Variants in TMPRSS15 observed in about 807,000 individuals in gnomAD.
The protein encoded by TMPRSS15 is transmembrane serine protease 15, also known as enteropeptidase.
TMPRSS15 carries 128 observed loss-of-function variants against 125.3 expected under a neutral mutation model. That is an observed-to-expected ratio of 1.02 (90% CI 0.89 to 1.18). The LOEUF (loss-of-function observed/expected upper bound fraction) is 1.18. TMPRSS15 is among the 50% of genes most tolerant of loss of function. TMPRSS15 has a pLI of 0.00. For synonymous variants in TMPRSS15, 446 were observed against 423.2 expected, an observed-to-expected ratio of 1.05 and a Z score of -0.66; for missense variants, 1,283 against 1,212.7, an observed-to-expected ratio of 1.06 and a Z score of -0.86.
At chr21:18,465,321 G>C (rs2123277804) in intron 1 of TMPRSS15, among the ~76,000 whole-genome samples, 1 of 152,196 alleles carries the variant, frequency 6.6e-6, no homozygotes, top group East Asian at 1.9e-4. Flanking sequence ...GTGGGAAAAA[G>C]CTGGAAGTAT....
chr21:18,448,238 A>C (rs1378168179), intron 1 of TMPRSS15, among the ~76,000 whole-genome samples: 1 of 152,232 alleles, frequency 6.6e-6, no homozygotes, highest in Non-Finnish European at 1.5e-5. Context: ...GAATGTGTTG[A>C]GAATACTGGT....
At chr21:18,280,963 A>G in intron 22 of TMPRSS15, 77 bp downstream of exon 22, 2 of 1,432,224 alleles carry the variant, frequency 1.4e-6, no homozygotes, top group African/African-American at 1.4e-5. Context: ...TAATGCATTG[A>G]CATTGATAAT....
intron 16 of TMPRSS15, among the ~76,000 whole-genome samples, chr21:18,317,909 T>TCCCATCCCATCCCATCCCATCCCATCCC (rs1569004326): frequency 2.7e-5 from 2 of 72,782 alleles, no homozygotes; most frequent in Admixed American, 3.6e-4. Flanking sequence ...CATCCCATCC[T>TCCCATCCCATCCCATCCCATCCCATCCC]ATCCCAACCC....
chr21:18,289,067 T>TA (rs1187209582), intron 21 of TMPRSS15, among the ~76,000 whole-genome samples: 2 of 152,182 alleles, frequency 1.3e-5, no homozygotes, highest in Non-Finnish European at 2.9e-5. Context: ...GTGTTCTGCT[T>TA]AAAGCATGAG....
chr21:18,320,504 A>C (rs1413904844), intron 16 of TMPRSS15, among the ~76,000 whole-genome samples: 1 of 152,212 alleles, frequency 6.6e-6, no homozygotes, highest in East Asian at 1.9e-4. Flanking sequence ...ATACGAGTTG[A>C]ATGGAAACAG....
At chr21:18,455,266 T>A (rs953039327) in intron 1 of TMPRSS15, among the ~76,000 whole-genome samples, 1 of 152,144 alleles carries the variant, frequency 6.6e-6, no homozygotes, top group Non-Finnish European at 1.5e-5. Flanking sequence ...TTTTTATTAG[T>A]AGCATGAGAA....
chr21:18,348,239 A>G (rs1430598390), intron 10 of TMPRSS15, among the ~76,000 whole-genome samples: 1 of 152,094 alleles, frequency 6.6e-6, no homozygotes, highest in African/African-American at 2.4e-5. Context: ...TAAGCTTGTA[A>G]TGATCTCTTT....
intron 24 of TMPRSS15, among the ~76,000 whole-genome samples, chr21:18,273,544 A>C (rs2074585889): frequency 6.6e-6 from 1 of 152,200 alleles, no homozygotes; most frequent in South Asian, 2.1e-4. Flanking sequence ...AGCTAGCTAT[A>C]AGATTTCAGA....
At chr21:18,359,026 A>C (rs1432447712) in intron 8 of TMPRSS15, among the ~76,000 whole-genome samples, 1 of 152,028 alleles carries the variant, frequency 6.6e-6, no homozygotes, top group East Asian at 1.9e-4. Context: ...ATGCGAGGAA[A>C]ACTAGTTATT....
Position 18,294,358 on chromosome 21 carries a change from C to T in TMPRSS15, c.2398G>A (p.Val800Met), listed in dbSNP as rs1176896947. ...AGTCGGCCGCCATAATACAGACCCA[C>T]AACCCAGGGCCAGGCCCCTTCTTTG... ...NAKEGAWPWV[V>M]GLYYGGRLLC... The change falls in exon 21 of 25, where the codon GTG (valine) becomes ATG (methionine). Residue 800 changes from valine to methionine, a missense_variant. Val to Met is a conservative substitution (Grantham distance 21). Coordinates refer to ENST00000284885, the MANE Select transcript of TMPRSS15 (RefSeq NM_002772.3). 19 of 1,614,262 alleles carry T rather than the reference C, an allele frequency of 1.2e-5. No homozygotes were observed. The highest frequency in any genetic ancestry group is 1.3e-5 in the Non-Finnish European group (15 of 1,180,054).
At chr21:18,300,350 CTT>C (rs1437156420) in intron 18 of TMPRSS15, among the ~76,000 whole-genome samples, 1,207 of 106,854 alleles carry the variant, frequency 0.011, 22 homozygotes, top group African/African-American at 0.042. Context: ...TGCCTTCTTT[CTT>C]TCTCTTTTTT....
chr21:18,418,316 C>G (rs752918707), intron 1 of TMPRSS15, among the ~76,000 whole-genome samples: 10 of 152,152 alleles, frequency 6.6e-5, no homozygotes, highest in South Asian at 2.1e-4. Context: ...TGTGGTCTTT[C>G]TGCATCTCTT....
chr21:18,277,631 G>A (rs1387754582), intron 23 of TMPRSS15, among the ~76,000 whole-genome samples: 3 of 152,196 alleles, frequency 2.0e-5, no homozygotes, highest in African/African-American at 7.2e-5. Flanking sequence ...TATCAGAAAA[G>A]CATTTGACTT....
In TMPRSS15 at chr21:18,341,483, T is replaced by C. The variant is rs2075445361; in HGVS notation, c.1494A>G (p.Thr498=). 18 of 1,614,082 alleles carry C rather than the reference T, an allele frequency of 1.1e-5. No homozygotes were observed. The highest frequency in any genetic ancestry group is 1.4e-5 in the Non-Finnish European group (17 of 1,180,016). Residue 498 remains threonine (T), a synonymous_variant, in exon 13 of 25, where the codon ACA becomes ACG. Coordinates refer to ENST00000284885, the MANE Select transcript of TMPRSS15 (RefSeq NM_002772.3). ...SDIALDDISL[T]YGICNGSLYP... is the part of the protein sequence containing the mutation. ...AAAGACTCCCATTGCAAATCCCATA[T>C]GTTAGGCTAATGTCATCCAACGCAA... is the stretch of plus-strand genomic sequence containing the variant.
At chr21:18,349,932 T>C (rs1450895080) in intron 10 of TMPRSS15, among the ~76,000 whole-genome samples, 3 of 152,194 alleles carry the variant, frequency 2.0e-5, no homozygotes, top group Non-Finnish European at 2.9e-5. Context: ...ACTTTATCTC[T>C]TATTAGGATG....
chr21:18,309,380 T>C (rs1245813083), intron 18 of TMPRSS15, among the ~76,000 whole-genome samples: 3 of 152,212 alleles, frequency 2.0e-5, no homozygotes, highest in Non-Finnish European at 4.4e-5. Flanking sequence ...CTAAAAGCAA[T>C]GGCAACAAAA....
chr21:18,454,000 C>T (rs1276192941), intron 1 of TMPRSS15, among the ~76,000 whole-genome samples: 1 of 152,004 alleles, frequency 6.6e-6, no homozygotes, highest in Non-Finnish European at 1.5e-5. Flanking sequence ...GGGTAACAAG[C>T]AAATTCATAG....
At chr21:18,423,026 A>T (rs1245361778) in intron 1 of TMPRSS15, among the ~76,000 whole-genome samples, 1 of 152,204 alleles carries the variant, frequency 6.6e-6, no homozygotes, top group Non-Finnish European at 1.5e-5. Context: ...GGTCAGGCTC[A>T]TATGCAGTGC....
chr21:18,425,104 T>C (rs906739301), intron 1 of TMPRSS15, among the ~76,000 whole-genome samples: 3 of 151,730 alleles, frequency 2.0e-5, no homozygotes, highest in African/African-American at 7.2e-5. Flanking sequence ...AGAATAGTAT[T>C]TGTTAGTAAA....
Sources: gnomAD v4.1 joint callset for allele counts (sites outside exome capture counted in the v4.1 genomes callset) on GRCh38, gnomAD v4.1.1 for gene constraint, MANE v1.5 for transcripts, NCBI Gene and HGNC (gene_info 2026-07-23, HGNC 2026-07-21) for gene names.